The following SPMIP2 variants were observed in gnomAD, a reference collection of about 807,000 sequenced individuals.
SPMIP2 encodes the protein protein SPMIP2.
At chr4:158,896,190 C>T in the SPMIP2 span, among the ~76,000 whole-genome samples, 2 of 152,202 alleles carry the variant, frequency 1.3e-5, no homozygotes, top group East Asian at 3.8e-4. Flanking sequence ...GCTGAAGTCA[C>T]AAGCTGTGGG....
the SPMIP2 span, among the ~76,000 whole-genome samples, chr4:158,927,753 G>A: frequency 2.0e-5 from 3 of 152,368 alleles, no homozygotes; most frequent in East Asian, 1.9e-4. Flanking sequence ...CAGGCCAGCT[G>A]GAGTTCCCGG....
At chr4:158,984,748 C>A in the SPMIP2 span, among the ~76,000 whole-genome samples, 1 of 151,964 alleles carries the variant, frequency 6.6e-6, no homozygotes, top group African/African-American at 2.4e-5. Flanking sequence ...CAAACACATT[C>A]AAAAGCTAGC....
At chr4:158,958,652 C>A in the SPMIP2 span, among the ~76,000 whole-genome samples, 3 of 152,170 alleles carry the variant, frequency 2.0e-5, no homozygotes, top group Non-Finnish European at 2.9e-5. Context: ...TCAGCACTAA[C>A]CTTTGCCCAG....
At chr4:158,982,345 A>G in the SPMIP2 span, among the ~76,000 whole-genome samples, 1 of 152,208 alleles carries the variant, frequency 6.6e-6, no homozygotes, top group Non-Finnish European at 1.5e-5. Flanking sequence ...GATATTCAGG[A>G]CTTGAACTCG....
the SPMIP2 span, among the ~76,000 whole-genome samples, chr4:158,983,246 T>C: frequency 6.6e-6 from 1 of 152,000 alleles, no homozygotes; most frequent in Non-Finnish European, 1.5e-5. Context: ...TGCAGGATAT[T>C]ATCCAGGAGA....
At chr4:158,937,862 T>C in the SPMIP2 span, among the ~76,000 whole-genome samples, 3 of 152,224 alleles carry the variant, frequency 2.0e-5, no homozygotes, top group African/African-American at 4.8e-5. Context: ...AGAGGTTATT[T>C]GATGACAATA....
chr4:159,069,483 G>T, the SPMIP2 span, among the ~76,000 whole-genome samples: 1 of 150,658 alleles, frequency 6.6e-6, no homozygotes, highest in Non-Finnish European at 1.5e-5. Flanking sequence ...ACCCAGGCTG[G>T]AGTGCAGTGG....
At chr4:158,953,964 C>A in the SPMIP2 span, among the ~76,000 whole-genome samples, 4 of 152,214 alleles carry the variant, frequency 2.6e-5, no homozygotes, top group African/African-American at 9.6e-5. Context: ...TTTGATTTTA[C>A]AGGCTCATAG....
At chr4:158,935,306 CA>C in the SPMIP2 span, among the ~76,000 whole-genome samples, 8 of 152,180 alleles carry the variant, frequency 5.3e-5, no homozygotes, top group Non-Finnish European at 1.2e-4. Context: ...AAATGCAGCT[CA>C]AGTGTTACCT....
At chr4:159,002,578 G>A in the SPMIP2 span, among the ~76,000 whole-genome samples, 1 of 152,018 alleles carries the variant, frequency 6.6e-6, no homozygotes, top group African/African-American at 2.4e-5. Context: ...TCTTTTAGAA[G>A]TTTTATAGTT....
At chr4:158,948,777 G>T in the SPMIP2 span, among the ~76,000 whole-genome samples, 2 of 151,780 alleles carry the variant, frequency 1.3e-5, no homozygotes, top group South Asian at 2.1e-4. Context: ...GCTAATTTTT[G>T]TATTTTTTGT....
chr4:158,994,706 A>G, the SPMIP2 span, among the ~76,000 whole-genome samples: 1 of 152,200 alleles, frequency 6.6e-6, no homozygotes, highest in African/African-American at 2.4e-5. Flanking sequence ...TGGGCTTGTC[A>G]GGGGAATCAA....
chr4:159,007,666 T>A, the SPMIP2 span: 1 of 739,448 alleles, frequency 1.4e-6, no homozygotes, highest in Non-Finnish European at 2.3e-6. Context: ...GAGACTCATG[T>A]AATGGACTAC....
chr4:158,894,899 A>AAG, the SPMIP2 span, among the ~76,000 whole-genome samples: 2 of 152,226 alleles, frequency 1.3e-5, no homozygotes, highest in Non-Finnish European at 2.9e-5. Context: ...CCAGATGGTC[A>AAG]AGATCAACAT....
the SPMIP2 span, among the ~76,000 whole-genome samples, chr4:158,940,204 C>A: frequency 2.2e-4 from 33 of 152,264 alleles, 1 homozygote; most frequent in Middle Eastern, 6.8e-3. Flanking sequence ...TTACATGGTT[C>A]TCCCTCTGTA....
the SPMIP2 span, chr4:158,895,812 A>G: frequency 3.7e-6 from 6 of 1,613,402 alleles, no homozygotes; most frequent in East Asian, 1.1e-4. Flanking sequence ...TGCTATCTGA[A>G]TATCTCCGGG....
the SPMIP2 span, among the ~76,000 whole-genome samples, chr4:158,946,285 C>T: frequency 1.2e-4 from 19 of 152,168 alleles, no homozygotes; most frequent in Non-Finnish European, 5.9e-5. Flanking sequence ...AGTAGCTTTT[C>T]AAAGACCAAT....
chr4:159,026,541 C>G, the SPMIP2 span: 1 of 549,074 alleles, frequency 1.8e-6, no homozygotes, highest in Non-Finnish European at 3.4e-6. Context: ...TTCATCATCA[C>G]TTTGGACAGG....
the SPMIP2 span, among the ~76,000 whole-genome samples, chr4:158,955,110 T>C: frequency 1.3e-5 from 2 of 152,154 alleles, no homozygotes; most frequent in African/African-American, 4.8e-5. Context: ...AATTTATACA[T>C]TTTTAAAAAA....
Sources: allele counts gnomAD v4.1 joint callset (sites outside exome capture counted in the v4.1 genomes callset), GRCh38; gene constraint gnomAD v4.1.1; transcripts MANE v1.5; gene names NCBI Gene and HGNC (gene_info 2026-07-23, HGNC 2026-07-21).